The following SGCZ variants were observed in gnomAD, a reference collection of about 807,000 sequenced individuals.
SGCZ encodes zeta-sarcoglycan.
SGCZ carries 40 observed loss-of-function variants against 41.3 expected under a neutral mutation model. That is an observed-to-expected ratio of 0.97 (90% CI 0.75 to 1.26). The LOEUF is 1.26. Ranked by LOEUF, SGCZ falls within the 50% of genes most tolerant of loss-of-function variation. The pLI is 0.00. For missense variants in SGCZ, 552 were observed against 369.8 expected, an observed-to-expected ratio of 1.49 and a Z score of -4.04; for synonymous variants, 206 against 137.5, an observed-to-expected ratio of 1.50 and a Z score of -3.49.
intron 1 of SGCZ, among the ~76,000 whole-genome samples, chr8:14,705,234 G>T (rs891904088): frequency 1.3e-5 from 2 of 151,802 alleles, no homozygotes; most frequent in Admixed American, 1.3e-4. Flanking sequence ...CCTTGGTGGG[G>T]AACATGGACT....
At chr8:15,234,367 G>A (rs998741094) in intron 1 of SGCZ, among the ~76,000 whole-genome samples, 18 of 152,086 alleles carry the variant, frequency 1.2e-4, no homozygotes, top group Non-Finnish European at 2.5e-4. Context: ...ATTTTTTGAT[G>A]TTTCTTCTTT....
intron 2 of SGCZ, among the ~76,000 whole-genome samples, chr8:14,505,790 T>C (rs1173831731): frequency 6.6e-6 from 1 of 152,084 alleles, no homozygotes; most frequent in Non-Finnish European, 1.5e-5. Flanking sequence ...GTGTAATGGT[T>C]CTCAAAAACT....
chr8:14,461,174 G>C (rs1027913602), intron 2 of SGCZ, among the ~76,000 whole-genome samples: 2 of 152,018 alleles, frequency 1.3e-5, no homozygotes, highest in African/African-American at 4.8e-5. Context: ...CCCATCAAAA[G>C]CATCTCCTAC....
At chr8:14,355,362 A>C (rs929940802) in intron 2 of SGCZ, among the ~76,000 whole-genome samples, 1 of 152,118 alleles carries the variant, frequency 6.6e-6, no homozygotes, top group East Asian at 1.9e-4. Flanking sequence ...TGTCAACAGT[A>C]GTAGCTAGAT....
At chr8:15,203,246 A>G (rs1800954444) in intron 1 of SGCZ, among the ~76,000 whole-genome samples, 1 of 152,188 alleles carries the variant, frequency 6.6e-6, no homozygotes, top group Admixed American at 6.5e-5. Flanking sequence ...GCTTATTGTA[A>G]GTAAATTTAA....
chr8:15,195,437 TA>T (rs1372644630), intron 1 of SGCZ, among the ~76,000 whole-genome samples: 4 of 152,194 alleles, frequency 2.6e-5, no homozygotes, highest in African/African-American at 9.6e-5. Context: ...TCTGTGGTCT[TA>T]GTGCTCGGCA....
chr8:14,502,771 A>T (rs941855057), intron 2 of SGCZ, among the ~76,000 whole-genome samples: 2 of 152,330 alleles, frequency 1.3e-5, no homozygotes, highest in African/African-American at 2.4e-5. Context: ...CGCCAGTTAG[A>T]ACGGCAATCA....
intron 2 of SGCZ, among the ~76,000 whole-genome samples, chr8:14,430,734 C>T (rs558358474): frequency 6.6e-6 from 1 of 152,164 alleles, no homozygotes; most frequent in Non-Finnish European, 1.5e-5. Flanking sequence ...GCATCCAAAT[C>T]GGAAAAGAGA....
intron 1 of SGCZ, among the ~76,000 whole-genome samples, chr8:14,914,555 C>G (rs1272124101): frequency 3.3e-5 from 5 of 151,974 alleles, no homozygotes; most frequent in African/African-American, 4.8e-5. Context: ...TTAAAAAAGG[C>G]TTATCAAGAG....
chr8:15,064,917 A>G (rs1046780135), intron 1 of SGCZ, among the ~76,000 whole-genome samples: 16 of 152,082 alleles, frequency 1.1e-4, no homozygotes, highest in Non-Finnish European at 1.8e-4. Context: ...TTTCATTACT[A>G]TGTCTACTTG....
chr8:14,796,928 C>A (rs184647638), intron 1 of SGCZ, among the ~76,000 whole-genome samples: 1 of 152,120 alleles, frequency 6.6e-6, no homozygotes, highest in Non-Finnish European at 1.5e-5. Context: ...TCCTGCCACC[C>A]GATGAAGAGG....
At chr8:14,600,239 A>C (rs983012514) in intron 1 of SGCZ, among the ~76,000 whole-genome samples, 2 of 152,036 alleles carry the variant, frequency 1.3e-5, no homozygotes, top group African/African-American at 4.8e-5. Context: ...TTCTGCATTC[A>C]CCCAGGCTCT....
intron 1 of SGCZ, among the ~76,000 whole-genome samples, chr8:14,936,902 T>C (rs1052613851): frequency 2.6e-5 from 4 of 151,876 alleles, no homozygotes; most frequent in Non-Finnish European, 4.4e-5. Flanking sequence ...TAAAATGATA[T>C]TTATTAAACT....
chr8:14,349,628 C>T (rs1055569795), intron 2 of SGCZ, among the ~76,000 whole-genome samples: 3 of 152,122 alleles, frequency 2.0e-5, no homozygotes, highest in African/African-American at 7.2e-5. Context: ...AGGAAAACCC[C>T]TGCTCTTCTG....
intron 1 of SGCZ, among the ~76,000 whole-genome samples, chr8:15,016,466 A>G (rs533653498): frequency 3.9e-5 from 6 of 152,188 alleles, no homozygotes; most frequent in African/African-American, 7.2e-5. Flanking sequence ...CAGGATCCCA[A>G]TAGATGTCTC....
intron 1 of SGCZ, among the ~76,000 whole-genome samples, chr8:14,558,586 G>GAGAGAGAGAA (rs1804106505): frequency 6.9e-6 from 1 of 144,030 alleles, no homozygotes; most frequent in Admixed American, 7.1e-5. Flanking sequence ...GAGAGAGAGA[G>GAGAGAGAGAA]AGAGAGAGAG....
chr8:14,579,133 T>A (rs1231492608), intron 1 of SGCZ, among the ~76,000 whole-genome samples: 1 of 152,124 alleles, frequency 6.6e-6, no homozygotes, highest in African/African-American at 2.4e-5. Context: ...GAAAATAAAG[T>A]ATTGAGATCT....
intron 1 of SGCZ, among the ~76,000 whole-genome samples, chr8:14,784,985 A>G (rs1002896065): frequency 7.0e-6 from 1 of 142,254 alleles, no homozygotes; most frequent in Non-Finnish European, 1.5e-5. Context: ...TATTTTTTAT[A>G]TATTATATAT....
intron 1 of SGCZ, among the ~76,000 whole-genome samples, chr8:15,075,345 A>AAATGGCATTCATTTTTAAAATGCCCT (rs1805492206): frequency 2.0e-5 from 3 of 152,222 alleles, no homozygotes; most frequent in Non-Finnish European, 2.9e-5. Context: ...TTAAATTCCC[A>AAATGGCATTCATTTTTAAAATGCCCT]AATGGCATTC....
Sources: allele counts gnomAD v4.1 joint callset (sites outside exome capture counted in the v4.1 genomes callset), GRCh38; gene constraint gnomAD v4.1.1; transcripts MANE v1.5; gene names NCBI Gene and HGNC (gene_info 2026-07-23, HGNC 2026-07-21).